Variants in SFSWAP observed in about 807,000 individuals in gnomAD.
SFSWAP encodes splicing factor SWAP.
SFSWAP carries 17 observed loss-of-function variants against 100.7 expected under a neutral mutation model. The ratio of observed to expected loss-of-function variants is 0.17; its 90% CI spans 0.12 to 0.25. The LOEUF is 0.25. Among genes scored for constraint, SFSWAP ranks in the 10% least tolerant of loss-of-function variants. The pLI, the probability that SFSWAP is intolerant of heterozygous loss-of-function variation, is 1.00. For synonymous variants in SFSWAP, 504 were observed against 510.1 expected (o/e 0.99, Z 0.16); for missense variants, 1,005 against 1,262.6 (o/e 0.80, Z 3.09).
chr12:131,756,685 T>C (rs1882203704), intron 11 of SFSWAP, 41 bp downstream of exon 11: 1 of 1,502,968 alleles, frequency 6.7e-7, no homozygotes, highest in Non-Finnish European at 8.9e-7. Flanking sequence ...CATTCCACCA[T>C]AAGTTGGCAA....
At chr12:131,727,258 G>A (rs990852178) in intron 6 of SFSWAP, among the ~76,000 whole-genome samples, 5 of 152,230 alleles carry the variant, frequency 3.3e-5, no homozygotes, top group Non-Finnish European at 5.9e-5. Flanking sequence ...TATAAAATTC[G>A]TGAGCATTTG....
chr12:131,714,850 A>G lies in SFSWAP; in HGVS notation c.417A>G (p.Ala139=). The G allele has an allele frequency of 1.2e-6, 2 of 1,614,130 alleles. No homozygotes were observed. The highest frequency in any genetic ancestry group is 1.7e-6 in the Non-Finnish European group (2 of 1,179,950). The part of the protein sequence containing the change: ...QEEEYKRLSE[A]LAEDGSYNAV... Reference sequence around the variant, plus strand: ...AAGAATACAAGCGATTGAGTGAAGCACTAGCAGAGGATGGGAGCTACAATG... The same window carrying G: ...AAGAATACAAGCGATTGAGTGAAGCGCTAGCAGAGGATGGGAGCTACAATG... Residue 139 remains alanine, a synonymous_variant, in exon 3 of 18, where the codon GCA becomes GCG. Transcript: ENST00000261674. The surrounding 1 kb of genome is among the most constrained non-coding windows in gnomAD (Gnocchi z 6.0).
intron 11 of SFSWAP, among the ~76,000 whole-genome samples, chr12:131,761,061 A>G (rs970411319): frequency 6.6e-6 from 1 of 152,106 alleles, no homozygotes; most frequent in African/African-American, 2.4e-5. Flanking sequence ...GAAAGAGCGA[A>G]ACTCCGTCTC....
At chr12:131,790,025 C>T (rs1885140809) in intron 15 of SFSWAP, among the ~76,000 whole-genome samples, 1 of 152,204 alleles carries the variant, frequency 6.6e-6, no homozygotes, top group South Asian at 2.1e-4. Context: ...CCCTGGGTGA[C>T]CCCTGCCTGA....
At chr12:131,748,710 G>A (rs1461660285) in intron 7 of SFSWAP, among the ~76,000 whole-genome samples, 2 of 152,214 alleles carry the variant, frequency 1.3e-5, no homozygotes, top group Non-Finnish European at 2.9e-5. Flanking sequence ...AAGTAGCTCT[G>A]CACGTTTCAG....
At chr12:131,799,400 C>T (rs1885912652) in intron 17 of SFSWAP, 23 bp from the exon 18 acceptor site, 3 of 1,612,794 alleles carry the variant, frequency 1.9e-6, no homozygotes, top group East Asian at 2.2e-5. Flanking sequence ...CACAGGTTCT[C>T]CTCTGTGTCT....
intron 1 of SFSWAP, chr12:131,713,805 AT>A: frequency 3.8e-6 from 1 of 260,086 alleles, no homozygotes; most frequent in Non-Finnish European, 7.2e-6. Flanking sequence ...CTATTAATGG[AT>A]TGTTTGCCTT....
At chr12:131,775,107 CTG>C (rs1883908247) in intron 13 of SFSWAP, among the ~76,000 whole-genome samples, 1 of 152,224 alleles carries the variant, frequency 6.6e-6, no homozygotes, top group Non-Finnish European at 1.5e-5. Flanking sequence ...CATCTCCCCT[CTG>C]TTTTAACACA....
intron 14 of SFSWAP, among the ~76,000 whole-genome samples, chr12:131,780,607 T>C (rs925625802): frequency 6.6e-6 from 1 of 152,234 alleles, no homozygotes; most frequent in Non-Finnish European, 1.5e-5. Context: ...GAGGCTGCAG[T>C]GAGCTATGAT....
intron 12 of SFSWAP, among the ~76,000 whole-genome samples, chr12:131,765,652 A>G (rs1883052855): frequency 6.6e-6 from 1 of 152,034 alleles, no homozygotes; most frequent in South Asian, 2.1e-4. Context: ...TCCGTCTCAA[A>G]GAAAAAAAAA....
At chr12:131,737,480 CTGAGT>C (rs1245503786) in intron 7 of SFSWAP, among the ~76,000 whole-genome samples, 1 of 152,206 alleles carries the variant, frequency 6.6e-6, no homozygotes, top group African/African-American at 2.4e-5. Context: ...AACTGGTATC[CTGAGT>C]TAATTCCTTA....
Position 131,714,738 on chromosome 12 carries a change from C to T in SFSWAP, c.389-84C>T. ...TGAAAAAAGTATGTTGTATGCTTTA[C>T]TGATAGCTACAACTTTAGAAATATA... On this transcript the variant is annotated intron_variant, in intron 2 of 17. Coordinates refer to ENST00000261674, the MANE Select transcript of SFSWAP (RefSeq NM_004592.4). The surrounding 1 kb of genome is among the most constrained non-coding windows in gnomAD (Gnocchi z 6.0). The T allele has an allele frequency of 3.9e-6, 5 of 1,296,700 alleles. No individual in the cohort carries two copies. The highest frequency in any genetic ancestry group is 5.5e-6 in the Non-Finnish European group (5 of 915,982). The allele number at this position is 1,296,700 out of a possible 1,614,324, so 80.3% of individuals were successfully genotyped here.
chr12:131,783,871 A>T (rs1884704521), intron 14 of SFSWAP: 1 of 144,998 alleles, frequency 6.9e-6, no homozygotes, highest in Admixed American at 7.2e-5. Context: ...GGTGAAGGAG[A>T]CTGGGGATTT....
rs184772031 is a variant in SFSWAP, at chr12:131,719,226, T to G, written c.521-228T>G. Among the ~76,000 whole-genome samples the G allele has an allele frequency of 4.7e-4, 72 of 152,000 alleles. 2 individuals carry two copies. Among genetic ancestry groups the G allele is most frequent in the African/African-American group, 1.5e-3 (61 of 41,312 alleles). On this transcript the variant is annotated intron_variant, in intron 3 of 17. Coordinates refer to ENST00000261674, the MANE Select transcript of SFSWAP (RefSeq NM_004592.4). Reference sequence around the variant, plus strand: ...GCAGTCTGACCCTATACACACTCCTTCTGCTGCACCCCACCTCCCCCCACC... The same window carrying G: ...GCAGTCTGACCCTATACACACTCCTGCTGCTGCACCCCACCTCCCCCCACC...
At chr12:131,772,704 T>C (rs950571683) in intron 13 of SFSWAP, among the ~76,000 whole-genome samples, 12 of 152,190 alleles carry the variant, frequency 7.9e-5, no homozygotes, top group East Asian at 3.9e-4. Context: ...CCCTGGAGCC[T>C]CAGAAAGCCT....
chr12:131,788,101 T>C (rs1885018404), intron 15 of SFSWAP, among the ~76,000 whole-genome samples: 1 of 152,234 alleles, frequency 6.6e-6, no homozygotes, highest in South Asian at 2.1e-4. Flanking sequence ...GTGAAGGGCA[T>C]GGTTAGAAAT....
rs1180231719 is a variant in SFSWAP, at chr12:131,765,419, T to TG, written c.1952-696dup. 2.6e-5 allele frequency among the ~76,000 whole-genome samples: 4 copies of TG among 152,070 alleles called. No individual in the cohort carries two copies. In the East Asian group the frequency reaches 7.7e-4, roughly 29 times the overall value. On this transcript the variant is annotated intron_variant, in intron 12 of 17. Transcript: ENST00000261674. ...ATCCCAGCACTTTGGGAGGCTAAGGTGGGTGGATCACCTGAGGTCAGAAGT... is the reference window on the plus strand; with the variant it reads ...ATCCCAGCACTTTGGGAGGCTAAGGTGGGGTGGATCACCTGAGGTCAGAAGT...
chr12:131,733,190 G>T lies in SFSWAP; in HGVS notation c.1081+4762G>T, dbSNP rs56866439. Among the ~76,000 whole-genome samples, 134 of 152,316 alleles carry T rather than the reference G, an allele frequency of 8.8e-4. 1 individual carries two copies. The highest frequency in any genetic ancestry group is 3.0e-3 in the African/African-American group (125 of 41,570). Reference sequence around the variant, plus strand: ...GTCAGCTGTATGAGAGCGGGCGGGGGATGGCGCGGTCTCCCTGGTACTTAC... The same window carrying T: ...GTCAGCTGTATGAGAGCGGGCGGGGTATGGCGCGGTCTCCCTGGTACTTAC... On this transcript the variant is annotated intron_variant, in intron 7 of 17. Transcript: ENST00000261674. The surrounding 1 kb of genome is among the most constrained non-coding windows in gnomAD (Gnocchi z 5.1).
At chr12:131,742,878 C>T (rs1431197445) in intron 7 of SFSWAP, among the ~76,000 whole-genome samples, 2 of 152,156 alleles carry the variant, frequency 1.3e-5, no homozygotes, top group African/African-American at 4.8e-5. Flanking sequence ...AATGGACTTA[C>T]AGTTCCACAT....
Sources: gnomAD v4.1 joint callset for allele counts (sites outside exome capture counted in the v4.1 genomes callset) on GRCh38, gnomAD v4.1.1 for gene constraint, Gnocchi (gnomAD v3.1) non-coding constraint, MANE v1.5 for transcripts, NCBI Gene and HGNC (gene_info 2026-07-23, HGNC 2026-07-21) for gene names.